The following FAM81A variants were observed in gnomAD, a reference collection of about 807,000 sequenced individuals.
FAM81A encodes the protein protein FAM81A.
In FAM81A, 19 loss-of-function variants were observed where a neutral mutation model predicts 46.7. That is an observed-to-expected ratio of 0.41 (90% CI 0.28 to 0.60). The LOEUF is 0.60. Ranked by LOEUF, FAM81A falls within the 20% of genes least tolerant of loss-of-function variation. The pLI is 0.34. For synonymous variants in FAM81A, 183 were observed against 152.9 expected (o/e 1.20, Z -1.45); for missense variants, 377 against 453.5 (o/e 0.83, Z 1.53).
intron 2 of FAM81A, among the ~76,000 whole-genome samples, chr15:59,405,710 G>C (rs2081091177): frequency 6.6e-6 from 1 of 152,084 alleles, no homozygotes; most frequent in African/African-American, 2.4e-5. Context: ...AAAAACTTCA[G>C]CATAAGTGCA....
intron 4 of FAM81A, among the ~76,000 whole-genome samples, chr15:59,501,284 C>T (rs1212793580): frequency 6.6e-6 from 1 of 152,134 alleles, no homozygotes; most frequent in Admixed American, 6.5e-5. Flanking sequence ...CTCTGTTTGA[C>T]TGTCTCTTTC....
Position 59,516,642 on chromosome 15 carries a change from CAG to C in FAM81A, c.787-2_787-1del. The C allele has an allele frequency of 6.2e-7, 1 of 1,608,674 alleles. No individual in the cohort carries two copies. Among genetic ancestry groups the C allele is most frequent in the Non-Finnish European group, 8.5e-7 (1 of 1,178,634 alleles). On this transcript the variant is annotated splice_acceptor_variant, in intron 7 of 8. Coordinates refer to ENST00000288228, the MANE Select transcript of FAM81A (RefSeq NM_152450.3). LOFTEE classifies it high-confidence loss of function. ...TAAGTGCAGTTCTTATCATGGATCT[CAG>C]GGAGCCAGTGAAAGGGATATGGAGA...
chr15:59,477,876 C>T (rs771828178), intron 3 of FAM81A, among the ~76,000 whole-genome samples: 8 of 152,288 alleles, frequency 5.3e-5, no homozygotes, highest in South Asian at 4.1e-4. Flanking sequence ...TGTCTGTTAG[C>T]GGTTTGCCTT....
Position 59,522,812 on chromosome 15 carries a change from G to GAAAC in FAM81A, c.*1434_*1435insAAAC, listed in dbSNP as rs2082340356. The GAAAC allele has an allele frequency of 6.6e-6, 1 of 152,516 alleles. No individual in the cohort carries two copies. Among genetic ancestry groups the GAAAC allele is most frequent in the Non-Finnish European group, 1.5e-5 (1 of 68,036 alleles). The allele number at this position is 152,516 out of a possible 1,614,324, so 9.4% of individuals were successfully genotyped here. A position where few individuals can be genotyped will look rare whatever the true frequency, so the allele number is the denominator to read the frequency against. The stretch of plus-strand genomic sequence containing the variant: ...ATGAAGTGTCTAACTGGCTATTACT[G>GAAAC]TTTACCCATATAAAATATGCTGCTA... On this transcript the variant is annotated 3_prime_UTR_variant, in exon 9 of 9. Transcript: ENST00000288228.
chr15:59,466,434 AT>A (rs534405286), intron 3 of FAM81A, among the ~76,000 whole-genome samples: 7 of 151,180 alleles, frequency 4.6e-5, no homozygotes, highest in South Asian at 2.1e-4. Context: ...TGCGGTTTTG[AT>A]TTGCACTTCT....
At chr15:59,442,266 C>T (rs540822525) in intron 1 of FAM81A, among the ~76,000 whole-genome samples, 1 of 152,286 alleles carries the variant, frequency 6.6e-6, no homozygotes, top group Admixed American at 6.5e-5. Context: ...CTTCTGTAAT[C>T]ATTTTTCCCC....
chr15:59,455,039 A>G (rs2081466594), intron 1 of FAM81A, among the ~76,000 whole-genome samples: 1 of 149,574 alleles, frequency 6.7e-6, no homozygotes, highest in African/African-American at 2.5e-5. Context: ...CTGAGACTAC[A>G]GGTGTGTGCC....
intron 6 of FAM81A, among the ~76,000 whole-genome samples, chr15:59,512,192 A>G (rs1596545420): frequency 6.6e-6 from 1 of 152,184 alleles, no homozygotes; most frequent in East Asian, 1.9e-4. Context: ...AAAATATGCA[A>G]TGCTGGCCAG....
chr15:59,402,073 G>C, intron 1 of FAM81A: 2 of 519,992 alleles, frequency 3.8e-6, no homozygotes, highest in Non-Finnish European at 3.4e-6. Flanking sequence ...TCGGGTCTTA[G>C]AGACCCATGA....
At chr15:59,461,989 G>A (rs1263356087) in intron 3 of FAM81A, among the ~76,000 whole-genome samples, 1 of 152,062 alleles carries the variant, frequency 6.6e-6, no homozygotes, top group Non-Finnish European at 1.5e-5. Flanking sequence ...GGATCACAAG[G>A]TCAGGAGATT....
At chr15:59,478,369 C>T (rs2081800814) in intron 3 of FAM81A, among the ~76,000 whole-genome samples, 1 of 152,140 alleles carries the variant, frequency 6.6e-6, no homozygotes, top group Non-Finnish European at 1.5e-5. Context: ...TAATAATTTG[C>T]AAAAGGACTA....
chr15:59,404,300 G>A (rs541639663), intron 2 of FAM81A, among the ~76,000 whole-genome samples: 21 of 152,252 alleles, frequency 1.4e-4, no homozygotes, highest in African/African-American at 5.1e-4. Context: ...CCATCAGGAA[G>A]AGAAAATGGG....
intron 1 of FAM81A, chr15:59,401,404 T>C: frequency 1.3e-6 from 1 of 793,710 alleles, no homozygotes; most frequent in South Asian, 1.3e-5. Flanking sequence ...GGTTCTTCTT[T>C]ACACCAAATA....
At chr15:59,436,278 G>T (rs1339184270), upstream of FAM81A, among the ~76,000 whole-genome samples, 1 of 152,124 alleles carries the variant, frequency 6.6e-6, no homozygotes, top group African/African-American at 2.4e-5. Context: ...ATGGCCAGAA[G>T]TAAGAAGGCA....
chr15:59,426,397 G>A (rs2081194564), intron 2 of FAM81A, among the ~76,000 whole-genome samples: 1 of 152,100 alleles, frequency 6.6e-6, no homozygotes, highest in South Asian at 2.1e-4. Flanking sequence ...CCTGAGGTTG[G>A]GAGTTCAAGA....
intron 7 of FAM81A, among the ~76,000 whole-genome samples, chr15:59,515,142 G>A (rs1302150086): frequency 6.6e-6 from 1 of 152,152 alleles, no homozygotes; most frequent in African/African-American, 2.4e-5. Flanking sequence ...CTACTCAGGA[G>A]GCTGAGCCTG....
At position 59,523,100 on chromosome 15, in the gene FAM81A, T is replaced by C. The variant is rs2082343492; in HGVS notation, c.*1722T>C. ...CACACCCCCTCCAGCATCTCTGTCTTGTGGGGTCTTTGAGGAGAAGGAATC... is the reference window on the plus strand; with the variant it reads ...CACACCCCCTCCAGCATCTCTGTCTCGTGGGGTCTTTGAGGAGAAGGAATC... On this transcript the variant is annotated 3_prime_UTR_variant, in exon 9 of 9. Transcript: ENST00000288228. The C allele has an allele frequency of 6.6e-6, 1 of 152,244 alleles. No homozygotes were observed. The highest frequency in any genetic ancestry group is 1.5e-5 in the Non-Finnish European group (1 of 68,084). The allele number at this position is 152,244 out of a possible 1,614,324, so 9.4% of individuals were successfully genotyped here. A position where few individuals can be genotyped will look rare whatever the true frequency, so the allele number is the denominator to read the frequency against.
chr15:59,400,953 C>G (rs2081067623), intron 1 of FAM81A, among the ~76,000 whole-genome samples: 1 of 152,148 alleles, frequency 6.6e-6, no homozygotes, highest in African/African-American at 2.4e-5. Context: ...CAAATTAATT[C>G]TGGAAACATT....
At chr15:59,446,751 T>G (rs1213754627) in intron 1 of FAM81A, 1 of 152,238 alleles carries the variant, frequency 6.6e-6, no homozygotes, top group African/African-American at 2.4e-5. Flanking sequence ...TCACTGGACC[T>G]GTACAACATG....
Sources: allele counts gnomAD v4.1 joint callset (sites outside exome capture counted in the v4.1 genomes callset), GRCh38; gene constraint gnomAD v4.1.1; transcripts MANE v1.5; gene names NCBI Gene and HGNC (gene_info 2026-07-23, HGNC 2026-07-21).